AP3B1: variants seen among roughly 807,000 people sequenced by gnomAD.
AP3B1 encodes AP-3 complex subunit beta-1.
A neutral mutation model predicts 132.5 loss-of-function variants in AP3B1; 61 were observed. The ratio of observed to expected loss-of-function variants is 0.46; its 90% CI spans 0.37 to 0.57. The LOEUF (loss-of-function observed/expected upper bound fraction) is 0.57, where lower values mean the gene tolerates loss of function less well. Ranked by LOEUF, AP3B1 falls within the 20% of genes least tolerant of loss-of-function variation. The probability of loss-of-function intolerance (pLI) is 0.00; values close to 1 mark genes in which losing one functional copy is unlikely to be tolerated. For synonymous variants in AP3B1, 388 were observed against 438.3 expected (o/e 0.89, Z 1.43); for missense variants, 1,120 against 1,289.4 (o/e 0.87, Z 2.01).
intron 22 of AP3B1, among the ~76,000 whole-genome samples, chr5:78,072,502 G>A (rs1216502911): frequency 1.3e-5 from 2 of 152,122 alleles, no homozygotes; most frequent in Admixed American, 6.5e-5. Context: ...GGAATTTGCT[G>A]AAATTTTCTG....
At chr5:78,141,073 A>AC in intron 15 of AP3B1, 70 bp downstream of exon 15, 3 of 1,422,706 alleles carry the variant, frequency 2.1e-6, no homozygotes, top group Non-Finnish European at 3.0e-6. Context: ...GAAGGCACAG[A>AC]CCCCCGCTGT....
chr5:78,040,330 A>C (rs1748023115), intron 22 of AP3B1, among the ~76,000 whole-genome samples: 1 of 152,180 alleles, frequency 6.6e-6, no homozygotes, highest in Non-Finnish European at 1.5e-5. Flanking sequence ...AAATGCAAAA[A>C]TTCTAATTAT....
intron 13 of AP3B1, 152 bp downstream of exon 13, chr5:78,162,667 C>T (rs1743435368): frequency 2.7e-6 from 2 of 738,210 alleles, no homozygotes; most frequent in Non-Finnish European, 4.4e-6. Flanking sequence ...TATTTATGTG[C>T]ATTCAAGGAT....
intron 2 of AP3B1, among the ~76,000 whole-genome samples, chr5:78,245,323 T>C (rs757150857): frequency 7.9e-5 from 12 of 152,230 alleles, no homozygotes; most frequent in Non-Finnish European, 1.5e-4. Context: ...CTTTAACTTA[T>C]CAGAGAGCAG....
chr5:78,122,977 T>C lies in AP3B1; in HGVS notation c.1968+5053A>G, dbSNP rs1222389578. ...CAAGTCTACAGTAACCAAAACAGCA[T>C]GGTACTGGTACCAAAACAGAGATAT... On this transcript the variant is annotated intron_variant, in intron 17 of 26. Coordinates refer to ENST00000255194, the MANE Select transcript of AP3B1 (RefSeq NM_003664.5). 5.3e-5 allele frequency among the ~76,000 whole-genome samples: 8 copies of C among 152,310 alleles called. No individual in the cohort carries two copies. The South Asian group carries it at 1.0e-3, about 20-fold the overall frequency.
chr5:78,084,653 C>T (rs1331772912), intron 22 of AP3B1, among the ~76,000 whole-genome samples: 1 of 150,318 alleles, frequency 6.7e-6, no homozygotes, highest in Non-Finnish European at 1.5e-5. Context: ...TTCTATTTTA[C>T]AAGTATTGCT....
intron 1 of AP3B1, among the ~76,000 whole-genome samples, chr5:78,273,875 A>G (rs1748657949): frequency 1.3e-5 from 2 of 150,512 alleles, no homozygotes; most frequent in African/African-American, 4.9e-5. Flanking sequence ...GCTTGGCTGG[A>G]AAAAAAAACA....
chr5:78,175,213 T>C (rs1351649218), intron 11 of AP3B1, among the ~76,000 whole-genome samples: 1 of 152,198 alleles, frequency 6.6e-6, no homozygotes, highest in Non-Finnish European at 1.5e-5. Flanking sequence ...TAGCTCACCC[T>C]CTGGGGCTGC....
chr5:78,106,391 G>A (rs149565997), intron 20 of AP3B1, among the ~76,000 whole-genome samples: 182 of 152,276 alleles, frequency 1.2e-3, no homozygotes, highest in East Asian at 7.5e-3. Context: ...CTTGGAGGTC[G>A]AAGCTGCAGA....
chr5:78,244,832 T>TA (rs1354316257), intron 2 of AP3B1, among the ~76,000 whole-genome samples: 1 of 151,934 alleles, frequency 6.6e-6, no homozygotes, highest in African/African-American at 2.4e-5. Flanking sequence ...CTGTCTCTAC[T>TA]AAAAATACAA....
chr5:78,133,133 T>C (rs997306250), intron 15 of AP3B1, among the ~76,000 whole-genome samples: 6 of 152,186 alleles, frequency 3.9e-5, no homozygotes, highest in African/African-American at 1.4e-4. Flanking sequence ...TCATAGGCCA[T>C]GGCAACACTT....
intron 7 of AP3B1, among the ~76,000 whole-genome samples, chr5:78,206,054 A>AT (rs555090871): frequency 6.6e-6 from 1 of 151,954 alleles, no homozygotes; most frequent in African/African-American, 2.4e-5. Flanking sequence ...GTATGAGCTG[A>AT]TTTTTTTTAA....
At chr5:78,147,332 C>T (rs1477375255) in intron 14 of AP3B1, among the ~76,000 whole-genome samples, 4 of 151,890 alleles carry the variant, frequency 2.6e-5, no homozygotes, top group Non-Finnish European at 5.9e-5. Flanking sequence ...TATCTCTTTC[C>T]TTACCTTCTT....
chr5:78,141,074 C>T (rs1249225147), intron 15 of AP3B1, 69 bp downstream of exon 15: 5 of 1,429,314 alleles, frequency 3.5e-6, no homozygotes, highest in South Asian at 3.5e-5. Context: ...AAGGCACAGA[C>T]CCCCGCTGTT....
In AP3B1 at chr5:78,116,123, C is replaced by T. The variant is rs775823742; in HGVS notation, c.2077+3G>A. Reference sequence around the variant, plus strand: ...ATATATGCCAATAAATTATAAAACCCACCACTGTCACTGCTACTATCAGAA... The same window carrying T: ...ATATATGCCAATAAATTATAAAACCTACCACTGTCACTGCTACTATCAGAA... On this transcript the variant is annotated splice_donor_region_variant and intron_variant, in intron 18 of 26. Coordinates refer to ENST00000255194, the MANE Select transcript of AP3B1 (RefSeq NM_003664.5). 1.9e-6 allele frequency: 3 copies of T among 1,600,130 alleles called. No individual in the cohort carries two copies. In the Admixed American group the frequency reaches 5.0e-5, roughly 27 times the overall value.
intron 2 of AP3B1, among the ~76,000 whole-genome samples, chr5:78,261,322 T>C (rs1748081382): frequency 6.6e-6 from 1 of 152,234 alleles, no homozygotes; most frequent in Non-Finnish European, 1.5e-5. Context: ...GTGATCTTAC[T>C]ATGGTTTTGA....
chr5:78,218,302 C>T (rs1329456558), intron 6 of AP3B1, among the ~76,000 whole-genome samples: 1 of 152,048 alleles, frequency 6.6e-6, no homozygotes, highest in Non-Finnish European at 1.5e-5. Flanking sequence ...TTCCAAAAAA[C>T]AGACAGTTAA....
At chr5:78,183,022 C>G (rs1473340365) in intron 7 of AP3B1, among the ~76,000 whole-genome samples, 1 of 152,200 alleles carries the variant, frequency 6.6e-6, no homozygotes, top group Admixed American at 6.5e-5. Flanking sequence ...TCAGGACTTG[C>G]AGCACCACAC....
rs575048636 is a variant in AP3B1, at chr5:78,237,462, TC to T, written c.279+3399del. Among the ~76,000 whole-genome samples the T allele has an allele frequency of 2.6e-5, 4 of 151,480 alleles. No homozygotes were observed. In the South Asian group the frequency reaches 8.4e-4, roughly 32 times the overall value. ...TGTGTTGTGTTCATGCCACTACAGT[TC>T]CCCCCCAAAAAAAGCAAGAAGCATA... is the stretch of plus-strand genomic sequence containing the variant. On this transcript the variant is annotated intron_variant, in intron 3 of 26. Coordinates refer to ENST00000255194, the MANE Select transcript of AP3B1 (RefSeq NM_003664.5).
Sources: gnomAD v4.1 joint callset for allele counts (sites outside exome capture counted in the v4.1 genomes callset) on GRCh38, gnomAD v4.1.1 for gene constraint, MANE v1.5 for transcripts, NCBI Gene and HGNC (gene_info 2026-07-23, HGNC 2026-07-21) for gene names.